Variants in WWOX observed in about 807,000 individuals in gnomAD.
WWOX encodes WW domain containing oxidoreductase, also known as WW domain-containing oxidoreductase.
A neutral mutation model predicts 46.2 loss-of-function variants in WWOX; 69 were observed. That is an observed-to-expected ratio of 1.49 (90% CI 1.23 to 1.82). WWOX has a LOEUF of 1.82. Ranked by LOEUF, WWOX falls within the 40% of genes most tolerant of loss-of-function variation. WWOX has a pLI of 0.00. For synonymous variants in WWOX, 359 were observed against 202.6 expected (o/e 1.77, Z -6.56); for missense variants, 919 against 542.6 (o/e 1.69, Z -6.89).
intron 5 of WWOX, among the ~76,000 whole-genome samples, chr16:78,383,406 C>T (rs957819016): frequency 1.3e-5 from 2 of 152,112 alleles, no homozygotes; most frequent in African/African-American, 4.8e-5. Context: ...AAGTTAACAA[C>T]CAGAAGATCA....
chr16:78,833,399 A>T (rs1367492789), intron 8 of WWOX, among the ~76,000 whole-genome samples: 1 of 149,418 alleles, frequency 6.7e-6, no homozygotes, highest in Non-Finnish European at 1.5e-5. Context: ...GGCTGTTCTC[A>T]TGTTTACTTA....
At chr16:78,128,125 A>T (rs1286499117) in intron 4 of WWOX, among the ~76,000 whole-genome samples, 3 of 152,212 alleles carry the variant, frequency 2.0e-5, no homozygotes, top group Non-Finnish European at 4.4e-5. Flanking sequence ...TAGGGTTGGA[A>T]GAAGATGGAG....
At chr16:78,527,727 A>AGGCTCTTCTTTAGTTCAGT (rs71140807) in intron 8 of WWOX, among the ~76,000 whole-genome samples, 44,771 of 151,628 alleles carry the variant, frequency 0.3, 7,290 homozygotes, top group African/African-American at 0.41. Context: ...CCTCATGAAC[A>AGGCTCTTCTTTAGTTCAGT]GGTTCTTGAT....
intron 8 of WWOX, among the ~76,000 whole-genome samples, chr16:79,061,219 G>A (rs8053789): frequency 0.67 from 101,194 of 151,860 alleles, 35,306 homozygotes; most frequent in African/African-American, 0.88. Flanking sequence ...TAAAATGTTA[G>A]GAAGGACTCT....
chr16:78,875,738 C>G (rs191733262), intron 8 of WWOX, among the ~76,000 whole-genome samples: 4 of 152,206 alleles, frequency 2.6e-5, no homozygotes, highest in Non-Finnish European at 4.4e-5. Context: ...ACAACTGTGT[C>G]TACCCTTTCA....
intron 8 of WWOX, among the ~76,000 whole-genome samples, chr16:78,826,722 G>C (rs964524063): frequency 5.3e-5 from 8 of 152,174 alleles, no homozygotes; most frequent in Non-Finnish European, 8.8e-5. Context: ...CAGGGATTTG[G>C]ATATGGAACT....
chr16:78,331,810 G>C (rs2080764249), intron 5 of WWOX, among the ~76,000 whole-genome samples: 1 of 150,662 alleles, frequency 6.6e-6, no homozygotes, highest in African/African-American at 2.4e-5. Flanking sequence ...CATATGCATT[G>C]GCATTCATTG....
intron 5 of WWOX, among the ~76,000 whole-genome samples, chr16:78,283,961 G>T (rs1246067837): frequency 2.0e-5 from 3 of 152,212 alleles, no homozygotes; most frequent in Non-Finnish European, 4.4e-5. Flanking sequence ...GAAGGGTACA[G>T]TAACCCATTA....
chr16:78,818,090 T>C (rs2051389544), intron 8 of WWOX, among the ~76,000 whole-genome samples: 1 of 152,164 alleles, frequency 6.6e-6, no homozygotes, highest in Non-Finnish European at 1.5e-5. Context: ...CTAATCCCTA[T>C]TGGGCTAATG....
chr16:78,642,075 A>T (rs766829501), intron 8 of WWOX, among the ~76,000 whole-genome samples: 1 of 152,220 alleles, frequency 6.6e-6, no homozygotes, highest in Non-Finnish European at 1.5e-5. Context: ...ATTGAGTGTG[A>T]CATGCCTGTG....
intron 8 of WWOX, among the ~76,000 whole-genome samples, chr16:78,815,769 G>T (rs186414660): frequency 1.8e-4 from 27 of 152,348 alleles, no homozygotes; most frequent in Admixed American, 1.6e-3. Flanking sequence ...AAGGACAGTT[G>T]TACGCAGACC....
At chr16:78,889,132 C>T (rs2044532340) in intron 8 of WWOX, among the ~76,000 whole-genome samples, 1 of 152,176 alleles carries the variant, frequency 6.6e-6, no homozygotes, top group South Asian at 2.1e-4. Flanking sequence ...CTCTGTGTCC[C>T]ACCCTTCAGG....
At chr16:79,077,282 C>T (rs1279738383) in intron 8 of WWOX, 1 of 152,118 alleles carries the variant, frequency 6.6e-6, no homozygotes, top group Admixed American at 6.5e-5. Flanking sequence ...AACAGGGCCC[C>T]TGCGTTTTGA....
intron 8 of WWOX, among the ~76,000 whole-genome samples, chr16:79,023,920 C>T (rs1318836759): frequency 2.0e-5 from 3 of 151,772 alleles, no homozygotes; most frequent in Non-Finnish European, 4.4e-5. Context: ...TGTGCCACTG[C>T]ACTCCAGCCT....
Position 78,668,094 on chromosome 16 carries a change from C to G in WWOX, c.1056+235342C>G, listed in dbSNP as rs930714733. On this transcript the variant is annotated intron_variant, in intron 8 of 8. Transcript: ENST00000566780. Reference sequence around the variant, plus strand: ...AGGAATTCAAGACCAGCCTGGCCACCATGGTGAAGCCCCGTCTCTACTAAA... The same window carrying G: ...AGGAATTCAAGACCAGCCTGGCCACGATGGTGAAGCCCCGTCTCTACTAAA... Among the ~76,000 whole-genome samples the G allele has an allele frequency of 5.3e-5, 8 of 152,228 alleles. No homozygotes were observed. In the East Asian group the frequency reaches 9.7e-4, roughly 18 times the overall value.
At chr16:78,405,068 T>A (rs540955428) in intron 6 of WWOX, among the ~76,000 whole-genome samples, 1 of 152,296 alleles carries the variant, frequency 6.6e-6, no homozygotes, top group East Asian at 1.9e-4. Flanking sequence ...ATTTTGTTGC[T>A]GGGACTGCTG....
intron 5 of WWOX, among the ~76,000 whole-genome samples, chr16:78,371,566 C>G (rs2081687409): frequency 6.6e-6 from 1 of 152,120 alleles, no homozygotes; most frequent in Non-Finnish European, 1.5e-5. Flanking sequence ...ATCTCTTCTA[C>G]TAAGATTGTT....
chr16:78,515,248 A>G lies in WWOX; in HGVS notation c.1056+82496A>G, dbSNP rs570469203. Among the ~76,000 whole-genome samples, 4 of 152,252 alleles carry G rather than the reference A, an allele frequency of 2.6e-5. No homozygotes were observed. The East Asian group carries it at 7.7e-4, about 29-fold the overall frequency. ...CAGAAACAGAAAATAAAACAAACAA[A>G]AAAATACTATTCCATAGCTGACTAT... On this transcript the variant is annotated intron_variant, in intron 8 of 8. Coordinates refer to ENST00000566780, the MANE Select transcript of WWOX (RefSeq NM_016373.4).
At chr16:78,708,633 G>A (rs1158853706) in intron 8 of WWOX, among the ~76,000 whole-genome samples, 1 of 152,188 alleles carries the variant, frequency 6.6e-6, no homozygotes, top group Non-Finnish European at 1.5e-5. Flanking sequence ...ACTTGCTCAA[G>A]ACCTCACAGT....
Sources: allele counts gnomAD v4.1 joint callset (sites outside exome capture counted in the v4.1 genomes callset), GRCh38; gene constraint gnomAD v4.1.1; transcripts MANE v1.5; gene names NCBI Gene and HGNC (gene_info 2026-07-23, HGNC 2026-07-21).